TNPO3: variants seen among roughly 807,000 people sequenced by gnomAD.
TNPO3 encodes transportin-3.
In TNPO3, 65 loss-of-function variants were observed where a neutral mutation model predicts 122.8. That is an observed-to-expected ratio of 0.53 (90% CI 0.43 to 0.65). The LOEUF (loss-of-function observed/expected upper bound fraction) is 0.65, where lower values mean the gene tolerates loss of function less well. Among genes scored for constraint, TNPO3 ranks in the 30% least tolerant of loss-of-function variants. The probability of loss-of-function intolerance (pLI) is 0.00; values close to 1 mark genes in which losing one functional copy is unlikely to be tolerated. For synonymous variants in TNPO3, 372 were observed against 411.2 expected (o/e 0.90, Z 1.15); for missense variants, 850 against 1,136.7 (o/e 0.75, Z 3.63).
intron 14 of TNPO3, 96 bp from the exon 15 acceptor site, chr7:128,980,127 A>C: frequency 9.5e-7 from 1 of 1,057,244 alleles, no homozygotes; most frequent in Non-Finnish European, 1.5e-6. Flanking sequence ...TATCATTTTC[A>C]CCAAATAAAG....
intron 7 of TNPO3, among the ~76,000 whole-genome samples, chr7:128,999,378 C>T (rs147706114): frequency 3.3e-5 from 5 of 152,236 alleles, no homozygotes; most frequent in East Asian, 1.9e-4. Flanking sequence ...GTGATAACTG[C>T]GTGGTGTTAC....
rs745576236 is a variant in TNPO3 at position 129,001,075 on chromosome 7, G to C, written c.856C>G (p.Arg286Gly). 1 of 1,613,906 alleles carries C rather than the reference G, an allele frequency of 6.2e-7. No homozygotes were observed. Among genetic ancestry groups the C allele is most frequent in the African/African-American group, 1.3e-5 (1 of 74,922 alleles). Residue 286 changes from arginine (R) to glycine (G), a missense_variant, in exon 6 of 23, where the codon CGT becomes GGT. Transcript: ENST00000265388. ...ATTACTCACTTGTCTAAATCTTCAC[G>C]TGCCACGGCCATATGATAGGCAGTC... is the stretch of plus-strand genomic sequence containing the variant. ...LETAYHMAVA[R>G]EDLDKVLNYC...
At chr7:128,981,340 A>G (rs1275248750) in intron 14 of TNPO3, among the ~76,000 whole-genome samples, 4 of 152,246 alleles carry the variant, frequency 2.6e-5, no homozygotes, top group African/African-American at 9.6e-5. Flanking sequence ...GTTACTCAGT[A>G]AGAATTACTC....
intron 7 of TNPO3, among the ~76,000 whole-genome samples, chr7:128,998,980 A>G (rs1801635730): frequency 6.6e-6 from 1 of 151,926 alleles, no homozygotes; most frequent in African/African-American, 2.4e-5. Context: ...CAGCCTCCTG[A>G]GTAGCTGCGA....
intron 1 of TNPO3, among the ~76,000 whole-genome samples, chr7:129,039,149 GACA>G (rs1402582468): frequency 6.6e-6 from 1 of 152,088 alleles, no homozygotes; most frequent in East Asian, 1.9e-4. Context: ...CAAAAAGACA[GACA>G]ACAACAAGTA....
chr7:128,977,534 T>G (rs1799185803), intron 16 of TNPO3, among the ~76,000 whole-genome samples: 1 of 152,182 alleles, frequency 6.6e-6, no homozygotes, highest in Non-Finnish European at 1.5e-5. Context: ...AGCATGCCTG[T>G]GCCTGTGGTT....
chr7:129,047,208 C>G (rs895673438), intron 1 of TNPO3, among the ~76,000 whole-genome samples: 1 of 152,200 alleles, frequency 6.6e-6, no homozygotes, highest in African/African-American at 2.4e-5. Context: ...GAGGTAATAT[C>G]TAACCCAAAG....
At chr7:128,994,808 C>T (rs978943551) in intron 8 of TNPO3, among the ~76,000 whole-genome samples, 3 of 152,028 alleles carry the variant, frequency 2.0e-5, no homozygotes, top group Non-Finnish European at 4.4e-5. Flanking sequence ...TAGGCATGCA[C>T]CACCACGCTT....
At chr7:128,967,473 C>A in intron 20 of TNPO3, 81 bp from the exon 21 acceptor site, 1 of 889,454 alleles carries the variant, frequency 1.1e-6, no homozygotes. Flanking sequence ...AACAAAACCC[C>A]ACAAATTTTC....
chr7:128,962,342 G>A (rs998146695), intron 21 of TNPO3, among the ~76,000 whole-genome samples: 5 of 145,886 alleles, frequency 3.4e-5, no homozygotes, highest in African/African-American at 7.7e-5. Flanking sequence ...TCCGCAGTCC[G>A]GCCTGGGCGA....
intron 13 of TNPO3, among the ~76,000 whole-genome samples, chr7:128,983,351 T>A (rs1168602765): frequency 2.0e-5 from 3 of 152,066 alleles, no homozygotes; most frequent in Non-Finnish European, 4.4e-5. Context: ...AGATTACAAG[T>A]GTGCGTCACC....
Position 128,992,085 on chromosome 7 carries a change from A to G in TNPO3, c.1272T>C (p.Tyr424=). 1 of 1,582,562 alleles carries G rather than the reference A, an allele frequency of 6.3e-7. No homozygotes were observed. Among genetic ancestry groups the G allele is most frequent in the Non-Finnish European group, 8.6e-7 (1 of 1,160,382 alleles). The stretch of plus-strand genomic sequence containing the variant: ...GTGGGTTGCCTTCTTTCAGAGTAGA[A>G]TATAACTAGAGAAGAAGAGGTGGAT... The part of the protein sequence containing the change: ...IGSMECFAQL[Y]STLKEGNPPW... Residue 424 remains tyrosine, a synonymous_variant, in exon 10 of 23, where the codon TAT becomes TAC. Coordinates refer to ENST00000265388, the MANE Select transcript of TNPO3 (RefSeq NM_012470.4).
chr7:129,048,238 A>G (rs2150562195), intron 1 of TNPO3, among the ~76,000 whole-genome samples: 1 of 152,226 alleles, frequency 6.6e-6, no homozygotes, highest in East Asian at 1.9e-4. Flanking sequence ...TCAAAAAACT[A>G]AATAAATAGA....
At chr7:128,980,427 G>A (rs1335587284) in intron 14 of TNPO3, among the ~76,000 whole-genome samples, 2 of 152,170 alleles carry the variant, frequency 1.3e-5, no homozygotes, top group African/African-American at 4.8e-5. Flanking sequence ...GACCAATATG[G>A]TGAAAACCCG....
chr7:128,990,021 T>A lies in TNPO3; in HGVS notation c.1438A>T (p.Thr480Ser), dbSNP rs768168952. The change falls in exon 11 of 23, where the codon ACC (threonine) becomes TCC (serine). Residue 480 changes from threonine to serine, a missense_variant. Coordinates refer to ENST00000265388, the MANE Select transcript of TNPO3 (RefSeq NM_012470.4). ...PETVHTAVRYTSIELVGEMSE... is the reference protein window; with the variant it reads ...PETVHTAVRYSSIELVGEMSE... ...ATCTCTCCAACCAATTCAATGCTGG[T>A]GTATCGCACAGCCGTATGTACGGTC... 7 of 1,614,036 alleles carry A rather than the reference T, an allele frequency of 4.3e-6. No individual in the cohort carries two copies. In the African/African-American group the frequency reaches 9.3e-5, roughly 22 times the overall value.
chr7:128,961,153 G>A (rs1324373738), intron 21 of TNPO3, among the ~76,000 whole-genome samples: 1 of 152,036 alleles, frequency 6.6e-6, no homozygotes, highest in African/African-American at 2.4e-5. Flanking sequence ...AGTAGTATAC[G>A]GTAATGTCCT....
chr7:129,055,833 TATATTG>T (rs755744510), upstream of TNPO3: 135 of 553,760 alleles, frequency 2.4e-4, no homozygotes, highest in Admixed American at 3.5e-4. Flanking sequence ...AAGGTAACAG[TATATTG>T]ATATTAACAT....
chr7:129,020,123 A>C (rs1299824195), intron 1 of TNPO3, among the ~76,000 whole-genome samples: 2 of 152,092 alleles, frequency 1.3e-5, no homozygotes, highest in African/African-American at 4.8e-5. Context: ...GTTTTTAAAA[A>C]AACCACCCCT....
chr7:128,988,782 G>A (rs1036232145), intron 11 of TNPO3, among the ~76,000 whole-genome samples: 1 of 152,040 alleles, frequency 6.6e-6, no homozygotes, highest in Non-Finnish European at 1.5e-5. Flanking sequence ...GAAATCACTT[G>A]GAAATAGTAT....
Sources: allele counts gnomAD v4.1 joint callset (sites outside exome capture counted in the v4.1 genomes callset), GRCh38; gene constraint gnomAD v4.1.1; transcripts MANE v1.5; gene names NCBI Gene and HGNC (gene_info 2026-07-23, HGNC 2026-07-21).